RFX2: variants seen among roughly 807,000 people sequenced by gnomAD.
RFX2 encodes the protein DNA-binding protein RFX2.
Under a neutral mutation model 87.8 loss-of-function variants are expected in RFX2, and 20 were observed. The observed-to-expected ratio is 0.23, with a 90% CI of 0.16 to 0.33. The LOEUF is 0.33. RFX2 is among the 10% of genes least tolerant of loss of function. The pLI is 1.00. For missense variants in RFX2, 767 were observed against 1,012.3 expected (o/e 0.76, Z 3.29); for synonymous variants, 397 against 431.3 (o/e 0.92, Z 0.98).
Position 6,047,265 on chromosome 19 carries a change from T to A in RFX2, c.90+142A>T. 1 of 637,442 alleles carries A rather than the reference T, an allele frequency of 1.6e-6. No individual in the cohort carries two copies. The allele number at this position is 637,442 out of a possible 1,614,324, so 39.5% of individuals were successfully genotyped here. On this transcript the variant is annotated intron_variant, in intron 2 of 17. Coordinates refer to ENST00000303657, the MANE Select transcript of RFX2 (RefSeq NM_000635.4). This position sits in a 1 kb window ranked among gnomAD's most constrained non-coding sequence, Gnocchi z 4.2. ...ATACAGTTAAGGAAATTGTGCCTAT[T>A]TCAACAGCAGCAGCACTGGGACTGA...
intron 15 of RFX2, among the ~76,000 whole-genome samples, chr19:6,000,814 G>A (rs1485242686): frequency 6.6e-6 from 1 of 152,254 alleles, no homozygotes; most frequent in African/African-American, 2.4e-5. Flanking sequence ...ATACAGGTGG[G>A]GATAACAATT....
intron 1 of RFX2, among the ~76,000 whole-genome samples, chr19:6,093,191 T>C (rs1052296386): frequency 3.9e-5 from 6 of 152,180 alleles, no homozygotes; most frequent in Non-Finnish European, 7.3e-5. Flanking sequence ...ACACGGGTGC[T>C]TACTGCAGCA....
intron 1 of RFX2, among the ~76,000 whole-genome samples, chr19:6,093,693 T>C (rs1331483822): frequency 6.7e-6 from 1 of 150,134 alleles, no homozygotes; most frequent in East Asian, 1.9e-4. Context: ...GGCAGAAAAG[T>C]GAGAAAAATA....
chr19:6,091,426 C>T (rs189963640), intron 1 of RFX2, among the ~76,000 whole-genome samples: 2 of 148,310 alleles, frequency 1.3e-5, no homozygotes, highest in South Asian at 2.1e-4. Context: ...GCAGCCTGGG[C>T]GACAGAGCAA....
At chr19:6,069,543 A>G (rs2087564068) in intron 1 of RFX2, among the ~76,000 whole-genome samples, 1 of 152,228 alleles carries the variant, frequency 6.6e-6, no homozygotes, top group Admixed American at 6.5e-5. Context: ...CAGAGAGAAG[A>G]GGCCTAGGGC....
rs1235699939 is a variant in RFX2 at position 6,004,298 on chromosome 19, C to T, written c.1403G>A (p.Ser468Asn). ...LIPDVLRPVPSTLTQAIRNFA... is the reference protein window; with the variant it reads ...LIPDVLRPVPNTLTQAIRNFA... ...GTTACGGATGGCCTGTGTCAAGGTA[C>T]CTGGGGGATACAGACCATGATATTA... Residue 468 changes from serine to asparagine, a missense_variant and splice_region_variant, in exon 13 of 18, where the codon AGT (serine) becomes AAT (asparagine). Physicochemically the swap from Ser to Asn is conservative, Grantham distance 46. Coordinates refer to ENST00000303657, the MANE Select transcript of RFX2 (RefSeq NM_000635.4). The surrounding 1 kb of genome is among the most constrained non-coding windows in gnomAD (Gnocchi z 4.8). The T allele has an allele frequency of 6.2e-7, 1 of 1,612,606 alleles. No homozygotes were observed. The highest frequency in any genetic ancestry group is 2.2e-5 in the East Asian group (1 of 44,872).
At position 6,017,510 on chromosome 19, in the gene RFX2, G is replaced by A. The variant is rs772357353; in HGVS notation, c.598-1239C>T. ...TCTGCTATGTGAATACAAAAGGCTT[G>A]CACTGATGCCTGCGATTTGCAGAAA... On this transcript the variant is annotated intron_variant, in intron 6 of 17. Transcript: ENST00000303657. This position sits in a 1 kb window ranked among gnomAD's most constrained non-coding sequence, Gnocchi z 4.1. Among the ~76,000 whole-genome samples, 2 of 152,240 alleles carry A rather than the reference G, an allele frequency of 1.3e-5. No individual in the cohort carries two copies. The highest frequency in any genetic ancestry group is 2.4e-5 in the African/African-American group (1 of 41,464).
At chr19:6,094,824 TA>T (rs1252876955) in intron 1 of RFX2, among the ~76,000 whole-genome samples, 2 of 152,234 alleles carry the variant, frequency 1.3e-5, no homozygotes, top group East Asian at 3.8e-4. Context: ...TGTCTCTTTT[TA>T]CTTTTTAAAA....
At chr19:6,107,371 C>T (rs539564441) in intron 1 of RFX2, among the ~76,000 whole-genome samples, 82 of 152,030 alleles carry the variant, frequency 5.4e-4, no homozygotes, top group Non-Finnish European at 9.9e-4. Flanking sequence ...AATCCCAGCA[C>T]TTTGGGAGGC....
chr19:6,039,561 C>T lies in RFX2; in HGVS notation c.522+419G>A, dbSNP rs978581969. On this transcript the variant is annotated intron_variant, in intron 5 of 17. Coordinates refer to ENST00000303657, the MANE Select transcript of RFX2 (RefSeq NM_000635.4). The surrounding 1 kb of genome is among the most constrained non-coding windows in gnomAD (Gnocchi z 5.2). ...GCATCGGGGCATGGCAGCGAGAACT[C>T]GGCAGAGGCTGCAGGGAAACTTCCC... 8.5e-5 allele frequency among the ~76,000 whole-genome samples: 13 copies of T among 152,318 alleles called. No individual in the cohort carries two copies. Among genetic ancestry groups the T allele is most frequent in the African/African-American group, 3.1e-4 (13 of 41,572 alleles).
rs117895648 is a variant in RFX2 at position 6,005,461 on chromosome 19, C to T, written c.1403-1163G>A. Among the ~76,000 whole-genome samples the T allele has an allele frequency of 1.8e-3, 281 of 152,320 alleles. 2 individuals carry two copies. Among genetic ancestry groups the T allele is most frequent in the Non-Finnish European group, 3.2e-3 (221 of 68,018 alleles). ...AGGCCTCTGTGCCCAGCTTCCTTGA[C>T]GACCCCCAGGGTTTTGGGGAGCTTG... On this transcript the variant is annotated intron_variant, in intron 12 of 17. Transcript: ENST00000303657.
intron 5 of RFX2, among the ~76,000 whole-genome samples, chr19:6,038,451 AG>A (rs1196009492): frequency 6.6e-6 from 1 of 152,102 alleles, no homozygotes; most frequent in African/African-American, 2.4e-5. Context: ...TGACATTGAA[AG>A]CATGAGCCAC....
chr19:6,104,862 GTAA>G (rs751989363), intron 1 of RFX2, among the ~76,000 whole-genome samples: 8 of 152,098 alleles, frequency 5.3e-5, no homozygotes, highest in Non-Finnish European at 8.8e-5. Flanking sequence ...GCTCATGCCT[GTAA>G]TCCCAGCACT....
Position 6,016,067 on chromosome 19 carries a change from T to C in RFX2, c.779+23A>G, listed in dbSNP as rs759488367. On this transcript the variant is annotated intron_variant, in intron 7 of 17. Coordinates refer to ENST00000303657, the MANE Select transcript of RFX2 (RefSeq NM_000635.4). This position sits in a 1 kb window ranked among gnomAD's most constrained non-coding sequence, Gnocchi z 5.4. ...TTGGGAAAGGAAGAGGAAGAACAGGTGGGCTGGGGATCGTCTACCCACCTG... is the reference window on the plus strand; with the variant it reads ...TTGGGAAAGGAAGAGGAAGAACAGGCGGGCTGGGGATCGTCTACCCACCTG... The C allele has an allele frequency of 5.1e-6, 8 of 1,563,310 alleles. No individual in the cohort carries two copies. The highest frequency in any genetic ancestry group is 6.1e-6 in the Non-Finnish European group (7 of 1,151,140).
In RFX2 at chr19:6,023,687, C is replaced by A. The variant is rs1442861975; in HGVS notation, c.597+2476G>T. Among the ~76,000 whole-genome samples the A allele has an allele frequency of 6.6e-6, 1 of 152,142 alleles. No homozygotes were observed. The highest frequency in any genetic ancestry group is 1.5e-5 in the Non-Finnish European group (1 of 68,042). ...ATACGAATCTTCATCGGGGAAGCGA[C>A]CTGAGAAAGTCTGCCTTTCGGATGA... On this transcript the variant is annotated intron_variant, in intron 6 of 17. Coordinates refer to ENST00000303657, the MANE Select transcript of RFX2 (RefSeq NM_000635.4). This position sits in a 1 kb window ranked among gnomAD's most constrained non-coding sequence, Gnocchi z 4.9.
chr19:6,072,215 C>G (rs2087616476), intron 1 of RFX2: 1 of 152,206 alleles, frequency 6.6e-6, no homozygotes, highest in Non-Finnish European at 1.5e-5. Context: ...TCTTCCTGAC[C>G]CACCGCTTCT....
intron 4 of RFX2, among the ~76,000 whole-genome samples, chr19:6,041,481 G>C (rs372324005): frequency 5.9e-5 from 9 of 152,138 alleles, no homozygotes; most frequent in African/African-American, 2.2e-4. Flanking sequence ...TTGCAACATG[G>C]AAAATCAAGT....
chr19:6,006,864 T>A, intron 12 of RFX2, 148 bp downstream of exon 12: 1 of 811,766 alleles, frequency 1.2e-6, no homozygotes, highest in Non-Finnish European at 1.9e-6. Context: ...AGTGTGGGGA[T>A]CACTGGCATG....
intron 1 of RFX2, chr19:6,073,135 A>G (rs553776663): frequency 4.5e-6 from 2 of 440,576 alleles, no homozygotes; most frequent in South Asian, 4.2e-5. Context: ...TCCCACCACC[A>G]TGCCTGGCTA....
Sources: allele counts gnomAD v4.1 joint callset (sites outside exome capture counted in the v4.1 genomes callset), GRCh38; gene constraint gnomAD v4.1.1; non-coding constraint Gnocchi (gnomAD v3.1); transcripts MANE v1.5; gene names NCBI Gene and HGNC (gene_info 2026-07-23, HGNC 2026-07-21).